Variants in GHR observed in about 807,000 individuals in gnomAD.
The protein encoded by GHR is GH receptor.
GHR carries 35 observed loss-of-function variants against 67.1 expected under a neutral mutation model. That is an observed-to-expected ratio of 0.52 (90% confidence interval 0.40 to 0.69). The LOEUF (loss-of-function observed/expected upper bound fraction) is 0.69. Among genes scored for constraint, GHR ranks in the 30% least tolerant of loss-of-function variants. The pLI is 0.00. For missense variants in GHR, 792 were observed against 764.6 expected, an observed-to-expected ratio of 1.04 and a Z score of -0.42; for synonymous variants, 272 against 269.1, an observed-to-expected ratio of 1.01 and a Z score of -0.10.
chr5:42,540,505 A>T (rs967067070), intron 1 of GHR, among the ~76,000 whole-genome samples: 2 of 152,162 alleles, frequency 1.3e-5, no homozygotes, highest in African/African-American at 4.8e-5. Context: ...TGAGAAAAAA[A>T]CATTCAAAGA....
intron 1 of GHR, chr5:42,468,159 G>T (rs1263453915): frequency 2.3e-6 from 3 of 1,315,812 alleles, no homozygotes; most frequent in East Asian, 2.3e-5. Context: ...ATCCATCAAG[G>T]CCTGTCTGAC....
At chr5:42,590,416 TG>T (rs1193193518) in intron 2 of GHR, among the ~76,000 whole-genome samples, 1 of 152,238 alleles carries the variant, frequency 6.6e-6, no homozygotes, top group African/African-American at 2.4e-5. Flanking sequence ...CTACTCAATG[TG>T]ATTTCTTTTA....
intron 1 of GHR, among the ~76,000 whole-genome samples, chr5:42,536,273 C>G (rs1748253268): frequency 6.6e-6 from 1 of 152,082 alleles, no homozygotes; most frequent in East Asian, 1.9e-4. Context: ...CAACTTTTCC[C>G]CATTCAGTAT....
chr5:42,537,849 G>A (rs903668042), intron 1 of GHR, among the ~76,000 whole-genome samples: 14 of 152,012 alleles, frequency 9.2e-5, no homozygotes, highest in East Asian at 5.8e-4. Context: ...AGTGTTAGGC[G>A]CATATATGTT....
At chr5:42,448,580 T>C (rs1385554138) in intron 1 of GHR, among the ~76,000 whole-genome samples, 2 of 39,768 alleles carry the variant, frequency 5.0e-5, no homozygotes, top group African/African-American at 3.5e-4. Flanking sequence ...TTACTATTAT[T>C]ATTATTATTA....
At chr5:42,467,219 A>G in intron 1 of GHR, 2 of 1,505,466 alleles carry the variant, frequency 1.3e-6, no homozygotes, top group Non-Finnish European at 1.8e-6. Flanking sequence ...CTGCAGTCAT[A>G]AGGTTTCTCT....
intron 3 of GHR, among the ~76,000 whole-genome samples, chr5:42,660,759 G>C (rs534980815): frequency 1.3e-5 from 2 of 152,374 alleles, no homozygotes; most frequent in African/African-American, 4.8e-5. Context: ...AAGCTGGACG[G>C]AGAATGACTT....
intron 1 of GHR, among the ~76,000 whole-genome samples, chr5:42,563,619 C>T (rs1444793268): frequency 2.0e-5 from 2 of 98,808 alleles, no homozygotes; most frequent in East Asian, 4.5e-4. Flanking sequence ...AGCGAGACTC[C>T]GTCTCAAAAA....
rs568030884 is a variant in GHR at position 42,590,109 on chromosome 5, A to G, written c.70+24165A>G. ...AGCTTCACTGAAAAGAATGAGGAAC[A>G]TATAAAATGTGAAGGTGAGAATAAG... is the stretch of plus-strand genomic sequence containing the variant. On this transcript the variant is annotated intron_variant, in intron 2 of 9. Transcript: ENST00000230882. Among the ~76,000 whole-genome samples, 10 of 152,350 alleles carry G rather than the reference A, an allele frequency of 6.6e-5. No homozygotes were observed. The South Asian group carries it at 1.9e-3, about 28-fold the overall frequency.
intron 2 of GHR, among the ~76,000 whole-genome samples, chr5:42,590,986 G>A (rs975647294): frequency 1.3e-5 from 2 of 152,172 alleles, no homozygotes; most frequent in Admixed American, 6.5e-5. Flanking sequence ...CTCCCTGTTG[G>A]CCACCCACCT....
intron 1 of GHR, among the ~76,000 whole-genome samples, chr5:42,497,912 C>G (rs1746386087): frequency 6.6e-6 from 1 of 152,118 alleles, no homozygotes; most frequent in South Asian, 2.1e-4. Context: ...CAGGCCTTCT[C>G]TCTCTGTCAG....
At chr5:42,481,045 T>C (rs1244407570) in intron 1 of GHR, among the ~76,000 whole-genome samples, 1 of 152,048 alleles carries the variant, frequency 6.6e-6, no homozygotes, top group African/African-American at 2.4e-5. Flanking sequence ...CTTTCCATGT[T>C]TAGTGCTTCC....
At chr5:42,520,088 C>T (rs1747410486) in intron 1 of GHR, among the ~76,000 whole-genome samples, 1 of 152,138 alleles carries the variant, frequency 6.6e-6, no homozygotes, top group Non-Finnish European at 1.5e-5. Flanking sequence ...ATTACTATGC[C>T]TATAGTTGGA....
intron 3 of GHR, among the ~76,000 whole-genome samples, chr5:42,638,071 C>T (rs892102431): frequency 6.6e-6 from 1 of 152,124 alleles, no homozygotes; most frequent in East Asian, 1.9e-4. Flanking sequence ...TCCTGAGTAG[C>T]TGGGATTACA....
At chr5:42,542,295 A>C (rs1288663770) in intron 1 of GHR, among the ~76,000 whole-genome samples, 9 of 152,158 alleles carry the variant, frequency 5.9e-5, no homozygotes, top group Non-Finnish European at 1.3e-4. Flanking sequence ...AGTGTTATTC[A>C]TTGGTTAAAT....
rs2111868997 is a variant in GHR at position 42,718,962 on chromosome 5, C to T, written c.1455C>T (p.Asp485=). 1 of 1,613,220 alleles carries T rather than the reference C, an allele frequency of 6.2e-7. No individual in the cohort carries two copies. Among genetic ancestry groups the T allele is most frequent in the Non-Finnish European group, 8.5e-7 (1 of 1,179,384 alleles). ...LSNPSSLSNI[D]FYAQVSDITP... is the part of the protein sequence containing the mutation. ...ATCCAAGTTCACTGTCAAACATCGA[C>T]TTTTATGCCCAGGTGAGCGACATTA... The change falls in exon 10 of 10, where the codon GAC becomes GAT. Residue 485 remains aspartate, a synonymous_variant. Coordinates refer to ENST00000230882, the MANE Select transcript of GHR (RefSeq NM_000163.5).
chr5:42,426,098 T>C (rs1409319507), intron 1 of GHR, among the ~76,000 whole-genome samples: 1 of 152,234 alleles, frequency 6.6e-6, no homozygotes, highest in African/African-American at 2.4e-5. Flanking sequence ...GCCTCCTGTA[T>C]GCTATCTCTG....
At chr5:42,677,530 T>C (rs941464745) in intron 3 of GHR, among the ~76,000 whole-genome samples, 1 of 152,184 alleles carries the variant, frequency 6.6e-6, no homozygotes, top group Non-Finnish European at 1.5e-5. Flanking sequence ...CTTTGATAGC[T>C]GTGACTGTCT....
intron 1 of GHR, among the ~76,000 whole-genome samples, chr5:42,435,191 G>C (rs1338952468): frequency 2.6e-5 from 4 of 152,000 alleles, no homozygotes; most frequent in Non-Finnish European, 5.9e-5. Flanking sequence ...ACGAAACTAG[G>C]GCTTCAGTGA....
Sources: gnomAD v4.1 joint callset for allele counts (sites outside exome capture counted in the v4.1 genomes callset) on GRCh38, gnomAD v4.1.1 for gene constraint, MANE v1.5 for transcripts, NCBI Gene and HGNC (gene_info 2026-07-23, HGNC 2026-07-21) for gene names.